YES1: variants seen among roughly 807,000 people sequenced by gnomAD.
YES1 encodes the protein YES proto-oncogene 1, Src family tyrosine kinase.
YES1 carries 39 observed loss-of-function variants against 70.4 expected under a neutral mutation model. The observed-to-expected ratio is 0.55, with a 90% CI of 0.43 to 0.72. YES1 has a LOEUF of 0.72. YES1 is among the 30% of genes least tolerant of loss of function. The pLI is 0.00. For synonymous variants in YES1, 198 were observed against 218.6 expected (o/e 0.91, Z 0.83); for missense variants, 495 against 644.8 (o/e 0.77, Z 2.52).
chr18:802,070 T>C (rs1288063321), intron 1 of YES1, among the ~76,000 whole-genome samples: 2 of 152,180 alleles, frequency 1.3e-5, no homozygotes, highest in Non-Finnish European at 2.9e-5. Flanking sequence ...ATATCTATTA[T>C]AAAACATGCA....
chr18:811,376 T>A (rs569704151), intron 1 of YES1, among the ~76,000 whole-genome samples: 2 of 152,318 alleles, frequency 1.3e-5, no homozygotes, highest in East Asian at 3.8e-4. Flanking sequence ...TACACCAGAC[T>A]TGATTTTCAA....
At chr18:761,916 G>A (rs184047706) in intron 1 of YES1, among the ~76,000 whole-genome samples, 3 of 152,364 alleles carry the variant, frequency 2.0e-5, no homozygotes, top group East Asian at 1.9e-4. Flanking sequence ...GCTGGGCATC[G>A]TGGCTCATGC....
At chr18:762,012 C>A (rs1019694572) in intron 1 of YES1, among the ~76,000 whole-genome samples, 2 of 152,184 alleles carry the variant, frequency 1.3e-5, no homozygotes, top group Middle Eastern at 3.4e-3. Flanking sequence ...TGTGGAGAAA[C>A]CCTGTCTCTA....
intron 1 of YES1, among the ~76,000 whole-genome samples, chr18:761,326 A>T (rs1342298170): frequency 6.6e-6 from 1 of 152,194 alleles, no homozygotes; most frequent in Non-Finnish European, 1.5e-5. Context: ...CCAAAGTCTA[A>T]ATATCAAGAA....
intron 1 of YES1, among the ~76,000 whole-genome samples, chr18:774,150 A>G (rs569061008): frequency 6.6e-6 from 1 of 152,100 alleles, no homozygotes. Flanking sequence ...GCTTTGTAAG[A>G]CATTACCCTC....
chr18:765,285 T>C (rs1400922507), intron 1 of YES1, among the ~76,000 whole-genome samples: 1 of 126,586 alleles, frequency 7.9e-6, no homozygotes, highest in Non-Finnish European at 1.7e-5. Flanking sequence ...TATATATATA[T>C]ATATATATCT....
intron 9 of YES1, chr18:737,182 G>A: frequency 2.2e-6 from 1 of 453,896 alleles, no homozygotes; most frequent in Non-Finnish European, 3.9e-6. Flanking sequence ...GCTGGGTGCG[G>A]TGGCCCACAC....
At chr18:747,166 C>T (rs1330974184) in intron 4 of YES1, among the ~76,000 whole-genome samples, 1 of 151,938 alleles carries the variant, frequency 6.6e-6, no homozygotes, top group Non-Finnish European at 1.5e-5. Flanking sequence ...AATAGTAAAA[C>T]CTTAAAGAAT....
intron 1 of YES1, among the ~76,000 whole-genome samples, chr18:795,394 G>T (rs1454784446): frequency 6.6e-6 from 1 of 152,124 alleles, no homozygotes; most frequent in Non-Finnish European, 1.5e-5. Flanking sequence ...GTAAATCTGG[G>T]TGGAGGGTAT....
intron 1 of YES1, among the ~76,000 whole-genome samples, chr18:772,087 GC>G (rs1905184496): frequency 1.3e-5 from 2 of 152,126 alleles, no homozygotes; most frequent in Admixed American, 1.3e-4. Flanking sequence ...GGAGTGCAAT[GC>G]CACGATCTCG....
chr18:775,439 C>G (rs1811254578), intron 1 of YES1, among the ~76,000 whole-genome samples: 1 of 152,168 alleles, frequency 6.6e-6, no homozygotes, highest in African/African-American at 2.4e-5. Context: ...CTCAGTTCCT[C>G]TTAACCATTA....
At chr18:733,044 T>G in intron 10 of YES1, 79 bp from the exon 11 acceptor site, 1 of 1,404,164 alleles carries the variant, frequency 7.1e-7, no homozygotes, top group Admixed American at 1.7e-5. Context: ...AGGGCTAATG[T>G]TCTGTCAATA....
At chr18:754,300 T>C (rs1191226303) in intron 2 of YES1, among the ~76,000 whole-genome samples, 1 of 152,204 alleles carries the variant, frequency 6.6e-6, no homozygotes, top group East Asian at 1.9e-4. Context: ...TCCACACTAA[T>C]ACTCAAAACT....
Position 745,284 on chromosome 18 carries a change from C to G in YES1, c.724+424G>C, listed in dbSNP as rs149435542. The stretch of plus-strand genomic sequence containing the variant: ...GGATAAGAAAAATGCATCGTCAGAC[C>G]AAATTTCACTGGATTTATACTTTAG... On this transcript the variant is annotated intron_variant, in intron 6 of 11. Transcript: ENST00000314574. Among the ~76,000 whole-genome samples the G allele has an allele frequency of 1.7e-3, 263 of 152,166 alleles. 5 individuals carry two copies. In the East Asian group the frequency reaches 0.047, roughly 27 times the overall value.
chr18:797,590 C>T (rs1050447497), intron 1 of YES1, among the ~76,000 whole-genome samples: 2 of 152,196 alleles, frequency 1.3e-5, no homozygotes, highest in African/African-American at 4.8e-5. Flanking sequence ...AGCATTTACT[C>T]AAACTCGAGA....
intron 1 of YES1, among the ~76,000 whole-genome samples, chr18:789,885 C>T (rs1156398348): frequency 6.6e-6 from 1 of 151,132 alleles, no homozygotes; most frequent in Non-Finnish European, 1.5e-5. Flanking sequence ...CGTGGTGAAA[C>T]CCCGTCTCTA....
At chr18:752,813 C>T (rs980882186) in intron 2 of YES1, among the ~76,000 whole-genome samples, 1 of 152,058 alleles carries the variant, frequency 6.6e-6, no homozygotes, top group Non-Finnish European at 1.5e-5. Context: ...CATGGTGGCG[C>T]ATGCCTGTAA....
intron 1 of YES1, among the ~76,000 whole-genome samples, chr18:766,461 T>C (rs1413236514): frequency 1.3e-5 from 2 of 151,676 alleles, no homozygotes; most frequent in African/African-American, 4.9e-5. Flanking sequence ...TAGTGAAAGA[T>C]GATTATCTTT....
At chr18:788,764 A>G (rs1276058593) in intron 1 of YES1, among the ~76,000 whole-genome samples, 6 of 152,106 alleles carry the variant, frequency 3.9e-5, no homozygotes, top group Non-Finnish European at 8.8e-5. Flanking sequence ...TACTAAAAAT[A>G]TTTTTTTAAA....
Sources: gnomAD v4.1 joint callset for allele counts (sites outside exome capture counted in the v4.1 genomes callset) on GRCh38, gnomAD v4.1.1 for gene constraint, MANE v1.5 for transcripts, NCBI Gene and HGNC (gene_info 2026-07-23, HGNC 2026-07-21) for gene names.